PDE1C: variants seen among roughly 807,000 people sequenced by gnomAD.
PDE1C encodes the protein dual specificity calcium/calmodulin-dependent 3',5'-cyclic nucleotide phosphodiesterase 1C.
Under a neutral mutation model 93.1 loss-of-function variants are expected in PDE1C, and 62 were observed. The observed-to-expected ratio is 0.67, with a 90% CI of 0.54 to 0.82. The LOEUF (loss-of-function observed/expected upper bound fraction) is 0.82, where lower values mean the gene tolerates loss of function less well. Among genes scored for constraint, PDE1C ranks in the 40% least tolerant of loss-of-function variants. The pLI is 0.00. For synonymous variants in PDE1C, 325 were observed against 310.1 expected, an observed-to-expected ratio of 1.05 and a Z score of -0.50; for missense variants, 742 against 884.6, an observed-to-expected ratio of 0.84 and a Z score of 2.04.
chr7:32,168,635 A>C lies in PDE1C; in HGVS notation c.308+1150T>G, dbSNP rs533987537. On this transcript the variant is annotated intron_variant, in intron 3 of 18. Coordinates refer to the PDE1C transcript ENST00000396193. ...GTATTCTCTCAGGTGAGTGGGTTTT[A>C]TTTTATTCAAAACCTTATGATGCAA... Among the ~76,000 whole-genome samples the C allele has an allele frequency of 2.2e-4, 33 of 152,272 alleles. No individual in the cohort carries two copies. In the South Asian group the frequency reaches 6.6e-3, roughly 31 times the overall value.
At chr7:32,163,646 T>C (rs1802050169) in intron 3 of PDE1C, among the ~76,000 whole-genome samples, 1 of 152,040 alleles carries the variant, frequency 6.6e-6, no homozygotes, top group South Asian at 2.1e-4. Flanking sequence ...AGTGCAAAAT[T>C]ATCAAAACCT....
At chr7:32,381,144 T>C (rs1209798873) in intron 1 of PDE1C, among the ~76,000 whole-genome samples, 2 of 151,748 alleles carry the variant, frequency 1.3e-5, no homozygotes, top group African/African-American at 2.4e-5. Flanking sequence ...TCTTTCATTC[T>C]TACCCCACAT....
At chr7:31,870,635 T>C (rs1053455151) in intron 6 of PDE1C, among the ~76,000 whole-genome samples, 1 of 152,000 alleles carries the variant, frequency 6.6e-6, no homozygotes, top group Non-Finnish European at 1.5e-5. Flanking sequence ...AAGAGAAGTC[T>C]AGGACCAGAT....
At chr7:32,236,547 A>C (rs1808095282) in intron 1 of PDE1C, among the ~76,000 whole-genome samples, 1 of 152,214 alleles carries the variant, frequency 6.6e-6, no homozygotes, top group South Asian at 2.1e-4. Context: ...AAGCACATAA[A>C]AAGATGTTAA....
chr7:31,993,542 A>G (rs2128541082), intron 2 of PDE1C, among the ~76,000 whole-genome samples: 1 of 152,308 alleles, frequency 6.6e-6, no homozygotes, highest in Admixed American at 6.5e-5. Flanking sequence ...TATAAGTCTA[A>G]TTTTTCTTAT....
At chr7:31,777,034 T>C (rs1282299314) in intron 16 of PDE1C, among the ~76,000 whole-genome samples, 2 of 149,716 alleles carry the variant, frequency 1.3e-5, no homozygotes, top group Admixed American at 6.6e-5. Context: ...GAGATATACC[T>C]AATGTTAAAT....
chr7:31,720,095 G>A, the PDE1C span, among the ~76,000 whole-genome samples: 6 of 147,370 alleles, frequency 4.1e-5, no homozygotes, highest in East Asian at 1.0e-3. Flanking sequence ...CCCGGGAAGC[G>A]GAGCTTGCAG....
At chr7:32,092,829 C>T (rs1312710632) in intron 3 of PDE1C, among the ~76,000 whole-genome samples, 1 of 151,768 alleles carries the variant, frequency 6.6e-6, no homozygotes, top group Non-Finnish European at 1.5e-5. Context: ...CTTACCAGCA[C>T]TGTCTTGCTG....
At chr7:32,412,292 C>T (rs766639296) in intron 1 of PDE1C, among the ~76,000 whole-genome samples, 6 of 151,626 alleles carry the variant, frequency 4.0e-5, no homozygotes, top group Admixed American at 2.6e-4. Flanking sequence ...CCTGTTTATA[C>T]TAAAAATACA....
intron 1 of PDE1C, among the ~76,000 whole-genome samples, chr7:32,292,735 C>G (rs1158493646): frequency 1.3e-5 from 2 of 152,140 alleles, no homozygotes; most frequent in African/African-American, 4.8e-5. Context: ...ATCCTGGTCC[C>G]CTCCTCCTGC....
chr7:32,118,138 G>A (rs1799089003), intron 3 of PDE1C, among the ~76,000 whole-genome samples: 1 of 152,138 alleles, frequency 6.6e-6, no homozygotes, highest in Non-Finnish European at 1.5e-5. Context: ...GAGAGTGGAG[G>A]GTTACATGGC....
intron 1 of PDE1C, among the ~76,000 whole-genome samples, chr7:32,064,092 A>G (rs1795110092): frequency 6.6e-6 from 1 of 152,188 alleles, no homozygotes; most frequent in Admixed American, 6.5e-5. Context: ...ACAATTTTTT[A>G]AAGTATTCTC....
chr7:32,197,597 G>T (rs1318762614), intron 2 of PDE1C, among the ~76,000 whole-genome samples: 1 of 152,140 alleles, frequency 6.6e-6, no homozygotes, highest in Admixed American at 6.5e-5. Flanking sequence ...ATCCATACTA[G>T]GGAATATTGT....
chr7:31,989,976 G>A (rs1313228532), intron 2 of PDE1C, among the ~76,000 whole-genome samples: 1 of 152,228 alleles, frequency 6.6e-6, no homozygotes, highest in Non-Finnish European at 1.5e-5. Context: ...GGAAGGGAGT[G>A]AATCCAAAGC....
At chr7:31,980,498 C>T (rs1302213142) in intron 2 of PDE1C, among the ~76,000 whole-genome samples, 1 of 152,154 alleles carries the variant, frequency 6.6e-6, no homozygotes, top group East Asian at 1.9e-4. Flanking sequence ...TTCCACATTT[C>T]ATAAGACTTT....
chr7:32,317,160 G>C (rs1370137381), intron 1 of PDE1C, among the ~76,000 whole-genome samples: 1 of 152,196 alleles, frequency 6.6e-6, no homozygotes, highest in African/African-American at 2.4e-5. Flanking sequence ...AAATGGAAAA[G>C]GGTAAAGATT....
chr7:32,137,307 A>G (rs1384146503), intron 3 of PDE1C, among the ~76,000 whole-genome samples: 1 of 152,204 alleles, frequency 6.6e-6, no homozygotes, highest in East Asian at 1.9e-4. Context: ...TTCATTCTTC[A>G]GTAGGAAAAA....
chr7:31,947,631 G>A (rs549870365), intron 2 of PDE1C, among the ~76,000 whole-genome samples: 8 of 152,260 alleles, frequency 5.3e-5, no homozygotes, highest in Middle Eastern at 3.4e-3. Context: ...GAGTAGCATC[G>A]TGAACTTCAT....
intron 12 of PDE1C, 28 bp from the exon 13 acceptor site, chr7:31,825,015 G>A: frequency 9.3e-6 from 15 of 1,612,376 alleles, no homozygotes; most frequent in Non-Finnish European, 1.3e-5. Context: ...TGCTTCAGAG[G>A]AACCACATAT....
Sources: allele counts gnomAD v4.1 joint callset (sites outside exome capture counted in the v4.1 genomes callset), GRCh38; gene constraint gnomAD v4.1.1; transcripts MANE v1.5; gene names NCBI Gene and HGNC (gene_info 2026-07-23, HGNC 2026-07-21).